The following LINS1 variants were observed in gnomAD, a reference collection of about 807,000 sequenced individuals.
LINS1 encodes protein Lines homolog 1.
A neutral mutation model predicts 41.6 loss-of-function variants in LINS1; 27 were observed. The ratio of observed to expected loss-of-function variants is 0.65; its 90% CI spans 0.48 to 0.89. LINS1 has a LOEUF of 0.89. LINS1 is among the 40% of genes least tolerant of loss of function. LINS1 has a pLI of 0.00. For missense variants in LINS1, 955 were observed against 884.1 expected, an observed-to-expected ratio of 1.08 and a Z score of -1.02; for synonymous variants, 336 against 312.9, an observed-to-expected ratio of 1.07 and a Z score of -0.78.
chr15:100,581,708 G>T (rs2141314175), intron 1 of LINS1, among the ~76,000 whole-genome samples: 1 of 152,292 alleles, frequency 6.6e-6, no homozygotes, highest in East Asian at 1.9e-4. Flanking sequence ...GGGGGGTTTT[G>T]CTCCTTTCAT....
chr15:100,581,857 C>A (rs1184886512), intron 1 of LINS1, among the ~76,000 whole-genome samples: 1 of 152,246 alleles, frequency 6.6e-6, no homozygotes, highest in Non-Finnish European at 1.5e-5. Flanking sequence ...CATTCCTTCA[C>A]CCTACATAGT....
chr15:100,600,915 C>T (rs1169642047), intron 1 of LINS1, among the ~76,000 whole-genome samples: 2 of 152,168 alleles, frequency 1.3e-5, no homozygotes, highest in Non-Finnish European at 2.9e-5. Flanking sequence ...ACAAGGCTTA[C>T]CAAGGCCCTT....
intron 3 of LINS1, 110 bp from the exon 4 acceptor site, chr15:100,575,238 T>G: frequency 1.1e-6 from 1 of 906,268 alleles, no homozygotes. Flanking sequence ...TGATAATATG[T>G]GGCACACCGA....
At position 100,569,973 on chromosome 15, in the gene LINS1, C is replaced by G; in HGVS notation, c.1539G>C (p.Leu513Phe). Reference protein sequence around the residue: ...GFDSTVLLDFLISSETCFLEY... With the variant: ...GFDSTVLLDFFISSETCFLEY... ...CAAGAAAACAGGTTTCTGATGAAAT[C>G]AAAAAGTCAAGAAGAACTGTGGAAT... The change falls in exon 7 of 7, where the codon TTG becomes TTC. Residue 513 changes from leucine (L) to phenylalanine (F), a missense_variant. By Grantham distance (22) the Leu-to-Phe change is conservative. Transcript: ENST00000314742. 6.4e-7 allele frequency: 1 copy of G among 1,571,956 alleles called. No individual in the cohort carries two copies. The highest frequency in any genetic ancestry group is 8.6e-7 in the Non-Finnish European group (1 of 1,160,052).
At chr15:100,591,977 G>A (rs1586969) in intron 1 of LINS1, among the ~76,000 whole-genome samples, 92,850 of 152,012 alleles carry the variant, frequency 0.61, 30,005 homozygotes, top group Non-Finnish European at 0.74. Flanking sequence ...GCTAATTCAC[G>A]CTGACTTCCT....
chr15:100,570,962 CT>C lies in LINS1; in HGVS notation c.1395-846del, dbSNP rs758073121. Among the ~76,000 whole-genome samples the C allele has an allele frequency of 3.4e-4, 52 of 152,328 alleles. No homozygotes were observed. The Middle Eastern group carries it at 0.014, about 40-fold the overall frequency. On this transcript the variant is annotated intron_variant, in intron 6 of 6. Coordinates refer to ENST00000314742, the MANE Select transcript of LINS1 (RefSeq NM_001040616.3). Reference sequence around the variant, plus strand: ...AGTCAGTTTCATTCAGGGGTTTCCACTTCCTGAGGAGTAAGGAGCTAACTTT... The same window carrying C: ...AGTCAGTTTCATTCAGGGGTTTCCACTCCTGAGGAGTAAGGAGCTAACTTT...
rs1596919514 is a variant in LINS1, at chr15:100,580,303, T to C, written c.449A>G (p.Gln150Arg). 4 of 1,612,938 alleles carry C rather than the reference T, an allele frequency of 2.5e-6. No individual in the cohort carries two copies. The highest frequency in any genetic ancestry group is 1.1e-5 in the South Asian group (1 of 91,014). ...GAAATATAGAAGCAATGCAAGGCAC[T>C]GTGCAGCCATGTGAGATAACAATTT... is the stretch of plus-strand genomic sequence containing the variant. ...SDKLLSHMAAQCLALLLYFQL... is the reference protein window; with the variant it reads ...SDKLLSHMAARCLALLLYFQL... Residue 150 changes from glutamine (Q) to arginine (R), a missense_variant, in exon 3 of 7, where the codon CAG becomes CGG. By Grantham distance (43) the Gln-to-Arg change is conservative (BLOSUM62 1). Transcript: ENST00000314742.
At position 100,580,715 on chromosome 15, in the gene LINS1, G is replaced by A. The variant is rs1200129836; in HGVS notation, c.128C>T (p.Thr43Ile). 2 of 1,612,830 alleles carry A rather than the reference G, an allele frequency of 1.2e-6. No individual in the cohort carries two copies. The highest frequency in any genetic ancestry group is 1.6e-4 in the Middle Eastern group (1 of 6,076). Residue 43 changes from threonine (T) to isoleucine (I), a missense_variant, in exon 2 of 7, where the codon ACA becomes ATA. Transcript: ENST00000314742. ...GTTTGCCCATTCTAAGGAGGTGGCT[G>A]TAGAACAATCTTGATCTGAAACTGC... ...NPAVSDQDCS[T>I]ATSLEWANTC...
chr15:100,575,936 AT>A (rs2038148953), intron 3 of LINS1, among the ~76,000 whole-genome samples: 1 of 152,250 alleles, frequency 6.6e-6, no homozygotes, highest in African/African-American at 2.4e-5. Flanking sequence ...TGGGTACATA[AT>A]GAAATGAAGG....
chr15:100,595,715 A>C (rs2039215511), intron 1 of LINS1, among the ~76,000 whole-genome samples: 1 of 152,252 alleles, frequency 6.6e-6, no homozygotes, highest in Non-Finnish European at 1.5e-5. Context: ...TGATGTGGCT[A>C]CTACATAGAC....
chr15:100,592,012 T>A (rs1211566459), intron 1 of LINS1, among the ~76,000 whole-genome samples: 1 of 152,194 alleles, frequency 6.6e-6, no homozygotes, highest in Non-Finnish European at 1.5e-5. Context: ...TGGAAACACT[T>A]CATCTATGAA....
intron 1 of LINS1, among the ~76,000 whole-genome samples, chr15:100,588,820 G>A (rs1395928968): frequency 2.0e-5 from 3 of 152,186 alleles, no homozygotes; most frequent in African/African-American, 7.2e-5. Flanking sequence ...AAGTCAGAAA[G>A]TCCAAGCATG....
chr15:100,574,987 C>G lies in LINS1; in HGVS notation c.631G>C (p.Glu211Gln), dbSNP rs1256350332. The change falls in exon 4 of 7, where the codon GAA becomes CAA. Residue 211 changes from glutamate (E) to glutamine (Q), a missense_variant and splice_region_variant. Glu to Gln is a conservative substitution (Grantham distance 29). Transcript: ENST00000314742. ...IFKDSCSQKT[E>Q]ILKQFLTHFD... Reference sequence around the variant, plus strand: ...GTTTATGGGGCCATGTAATCCATACCTGTTTTCTGTGAACATGAATCTTTA... The same window carrying G: ...GTTTATGGGGCCATGTAATCCATACGTGTTTTCTGTGAACATGAATCTTTA... 2.5e-6 allele frequency: 4 copies of G among 1,612,204 alleles called. No individual in the cohort carries two copies. Among genetic ancestry groups the G allele is most frequent in the East Asian group, 2.2e-5 (1 of 44,752 alleles).
chr15:100,571,232 G>A (rs2037806597), intron 6 of LINS1, among the ~76,000 whole-genome samples: 1 of 152,094 alleles, frequency 6.6e-6, no homozygotes, highest in African/African-American at 2.4e-5. Flanking sequence ...CTTTCTCCCA[G>A]GCCAAGAAAG....
chr15:100,600,551 C>A (rs1212682817), intron 1 of LINS1, among the ~76,000 whole-genome samples: 287 of 79,596 alleles, frequency 3.6e-3, no homozygotes, highest in East Asian at 0.025. Flanking sequence ...TGCTGTTAAG[C>A]AAAAAAAAAA....
At chr15:100,575,338 G>C (rs978152411) in intron 3 of LINS1, among the ~76,000 whole-genome samples, 1 of 151,838 alleles carries the variant, frequency 6.6e-6, no homozygotes, top group Non-Finnish European at 1.5e-5. Flanking sequence ...GATCTACCAA[G>C]CAAATGGAAA....
At chr15:100,598,595 G>A (rs1274089124) in intron 1 of LINS1, among the ~76,000 whole-genome samples, 1 of 152,038 alleles carries the variant, frequency 6.6e-6, no homozygotes, top group East Asian at 1.9e-4. Flanking sequence ...AAATTACCAG[G>A]GCAAGAACTA....
chr15:100,594,929 T>C (rs1458000754), intron 1 of LINS1, among the ~76,000 whole-genome samples: 1 of 152,176 alleles, frequency 6.6e-6, no homozygotes, highest in Non-Finnish European at 1.5e-5. Flanking sequence ...AAGCTCCTCA[T>C]GAAAAATCAA....
chr15:100,580,617 A>G lies in LINS1; in HGVS notation c.226T>C (p.Leu76=), dbSNP rs138716373. The change falls in exon 2 of 7, where the codon TTG becomes CTG. Residue 76 remains leucine (L), a synonymous_variant. Coordinates refer to ENST00000314742, the MANE Select transcript of LINS1 (RefSeq NM_001040616.3). ...CCGCTCATCTGAGAGTTGGTCTTCA[A>G]ACACACAGGTGCTACAGCAATGGGA... ...VAPIAVAPVC[L]KTNSQMSGSR... is the part of the protein sequence containing the mutation. 15 of 1,613,912 alleles carry G rather than the reference A, an allele frequency of 9.3e-6. No homozygotes were observed. The highest frequency in any genetic ancestry group is 1.3e-5 in the Non-Finnish European group (15 of 1,179,964).
Sources: allele counts gnomAD v4.1 joint callset (sites outside exome capture counted in the v4.1 genomes callset), GRCh38; gene constraint gnomAD v4.1.1; transcripts MANE v1.5; gene names NCBI Gene and HGNC (gene_info 2026-07-23, HGNC 2026-07-21).